The following PIKFYVE variants were observed in gnomAD, a reference collection of about 807,000 sequenced individuals.
PIKFYVE encodes the protein phosphoinositide kinase, FYVE-type zinc finger containing.
PIKFYVE carries 122 observed loss-of-function variants against 257.9 expected under a neutral mutation model. The observed-to-expected ratio is 0.47, with a 90% CI of 0.41 to 0.55. PIKFYVE has a LOEUF of 0.55. Among genes scored for constraint, PIKFYVE ranks in the 20% least tolerant of loss-of-function variants. PIKFYVE has a pLI of 0.00. For synonymous variants in PIKFYVE, 892 were observed against 868.9 expected, an observed-to-expected ratio of 1.03 and a Z score of -0.47; for missense variants, 2,160 against 2,536.6, an observed-to-expected ratio of 0.85 and a Z score of 3.19.
intron 5 of PIKFYVE, among the ~76,000 whole-genome samples, chr2:208,282,266 A>T (rs534887067): frequency 4.6e-5 from 7 of 152,352 alleles, no homozygotes; most frequent in African/African-American, 1.7e-4. Context: ...TTTAAATCTA[A>T]TCAGCTTAGA....
At position 208,350,898 on chromosome 2, in the gene PIKFYVE, C is replaced by T; in HGVS notation, c.5562C>T (p.Pro1854=). 1.9e-6 allele frequency: 3 copies of T among 1,614,168 alleles called. No individual in the cohort carries two copies. The highest frequency in any genetic ancestry group is 2.5e-6 in the Non-Finnish European group (3 of 1,180,030). ...TTCGTTCCCTCTCCCACTCATCACC[C>T]TGGCAGGCCCGGGGAGGCAAATCAG... ...DFIRSLSHSS[P]WQARGGKSGA... The change falls in exon 37 of 42, where the codon CCC becomes CCT. Residue 1854 remains proline, a synonymous_variant. Coordinates refer to ENST00000264380, the MANE Select transcript of PIKFYVE (RefSeq NM_015040.4).
At chr2:208,326,689 G>A (rs1696962316) in intron 20 of PIKFYVE, among the ~76,000 whole-genome samples, 1 of 152,188 alleles carries the variant, frequency 6.6e-6, no homozygotes, top group Non-Finnish European at 1.5e-5. Flanking sequence ...GAAGTAAGGG[G>A]AAATGTGGAG....
intron 5 of PIKFYVE, among the ~76,000 whole-genome samples, chr2:208,278,739 G>A (rs1464705718): frequency 6.6e-6 from 1 of 152,040 alleles, no homozygotes; most frequent in Non-Finnish European, 1.5e-5. Flanking sequence ...ACATAATTTT[G>A]TTCTTTTTTT....
At chr2:208,335,718 T>G (rs1234845662) in intron 25 of PIKFYVE, 75 bp from the exon 26 acceptor site, 1 of 1,165,088 alleles carries the variant, frequency 8.6e-7, no homozygotes, top group Non-Finnish European at 1.3e-6. Flanking sequence ...TGCATGTAGC[T>G]TTTTTTTCTA....
At chr2:208,317,801 G>T (rs112469696) in intron 15 of PIKFYVE, 66 bp from the exon 16 acceptor site, 1 of 1,382,594 alleles carries the variant, frequency 7.2e-7, no homozygotes, top group Non-Finnish European at 1.0e-6. Flanking sequence ...AAATAATAGC[G>T]TACATCTAAC....
intron 7 of PIKFYVE, among the ~76,000 whole-genome samples, chr2:208,289,825 C>T (rs1319265461): frequency 1.3e-5 from 2 of 152,160 alleles, no homozygotes; most frequent in African/African-American, 2.4e-5. Flanking sequence ...ACCTCGGACT[C>T]CTAAAGTGCT....
chr2:208,272,798 A>G (rs1171427473), intron 2 of PIKFYVE, among the ~76,000 whole-genome samples: 1 of 152,174 alleles, frequency 6.6e-6, no homozygotes, highest in Non-Finnish European at 1.5e-5. Context: ...GATACTTAAA[A>G]AAAAAAACTA....
intron 7 of PIKFYVE, among the ~76,000 whole-genome samples, chr2:208,293,944 C>G (rs1203801543): frequency 6.6e-6 from 1 of 152,096 alleles, no homozygotes; most frequent in East Asian, 1.9e-4. Flanking sequence ...CTTCCTGGAC[C>G]TGTGGCTTGG....
chr2:208,354,230 C>T, intron 40 of PIKFYVE, 71 bp downstream of exon 40: 1 of 1,522,512 alleles, frequency 6.6e-7, no homozygotes, highest in Non-Finnish European at 9.0e-7. Flanking sequence ...TTCTATTGAA[C>T]CTGGTCTAAT....
intron 29 of PIKFYVE, 69 bp from the exon 30 acceptor site, chr2:208,339,349 T>TA: frequency 3.8e-6 from 6 of 1,567,124 alleles, no homozygotes; most frequent in Non-Finnish European, 5.3e-6. Context: ...AATGAGCATT[T>TA]AAAAAATATT....
chr2:208,268,576 C>G (rs920793042), intron 1 of PIKFYVE, among the ~76,000 whole-genome samples: 1 of 14,658 alleles, frequency 6.8e-5, no homozygotes, highest in Non-Finnish European at 2.4e-4. Flanking sequence ...AGTGCCTGGC[C>G]TCTTTTTTTT....
chr2:208,333,049 A>G (rs1213934654), intron 23 of PIKFYVE, among the ~76,000 whole-genome samples: 2 of 151,936 alleles, frequency 1.3e-5, no homozygotes, highest in Non-Finnish European at 2.9e-5. Flanking sequence ...CCTGGCTAAC[A>G]TCGTGAAACC....
At chr2:208,319,005 T>G (rs1390395363) in intron 16 of PIKFYVE, among the ~76,000 whole-genome samples, 1 of 151,964 alleles carries the variant, frequency 6.6e-6, no homozygotes, top group Non-Finnish European at 1.5e-5. Context: ...TGTCATTTGT[T>G]GGTCCTTGCA....
chr2:208,268,570 C>G lies in PIKFYVE; in HGVS notation c.-10+2155C>G, dbSNP rs547279561. 3.1e-5 allele frequency among the ~76,000 whole-genome samples: 3 copies of G among 97,562 alleles called. No individual in the cohort carries two copies. The Admixed American group carries it at 4.1e-4, about 13-fold the overall frequency. The allele number at this position is 97,562 out of a possible 152,430, so 64.0% of individuals were successfully genotyped here. ...GGATTACAGACATGAGGCCACAGTGCCTGGCCTCTTTTTTTTTTTAATATA... is the reference window on the plus strand; with the variant it reads ...GGATTACAGACATGAGGCCACAGTGGCTGGCCTCTTTTTTTTTTTAATATA... On this transcript the variant is annotated intron_variant, in intron 1 of 41. Transcript: ENST00000264380.
At chr2:208,349,255 C>G (rs865966020) in intron 35 of PIKFYVE, among the ~76,000 whole-genome samples, 1 of 152,008 alleles carries the variant, frequency 6.6e-6, no homozygotes, top group Non-Finnish European at 1.5e-5. Flanking sequence ...TGGGCTGTAG[C>G]TGTTTATAAT....
At chr2:208,281,788 C>G (rs951466377) in intron 5 of PIKFYVE, among the ~76,000 whole-genome samples, 1 of 152,200 alleles carries the variant, frequency 6.6e-6, no homozygotes, top group East Asian at 1.9e-4. Flanking sequence ...TACATATTTC[C>G]ATTCCTTCCC....
chr2:208,312,681 A>T (rs920755920), intron 13 of PIKFYVE, among the ~76,000 whole-genome samples: 4 of 152,236 alleles, frequency 2.6e-5, no homozygotes, highest in Admixed American at 6.5e-5. Context: ...CCAGTTAAGG[A>T]TGCTGCTTGC....
In PIKFYVE at chr2:208,324,236, A is replaced by G. The variant is rs754229038; in HGVS notation, c.2285A>G (p.Asp762Gly). ...AAAACAGTGTCTCGGATTGCCCAGG[A>G]CATGTTATTGGAACATGGCATTACT... is the stretch of plus-strand genomic sequence containing the variant. ...VEKTVSRIAQDMLLEHGITLV... is the reference protein window; with the variant it reads ...VEKTVSRIAQGMLLEHGITLV... Residue 762 changes from aspartate (D) to glycine (G), a missense_variant, in exon 18 of 42, where the codon GAC (aspartate) becomes GGC (glycine). This residue lies in a region of PIKFYVE where 346 missense variants were observed against 365.6 expected (regional missense o/e 0.95). Coordinates refer to ENST00000264380, the MANE Select transcript of PIKFYVE (RefSeq NM_015040.4). The G allele has an allele frequency of 1.2e-5, 20 of 1,613,906 alleles. No homozygotes were observed. The South Asian group carries it at 2.1e-4, about 17-fold the overall frequency.
chr2:208,315,525 A>C (rs960476920), intron 15 of PIKFYVE, 152 bp downstream of exon 15: 1 of 738,432 alleles, frequency 1.4e-6, no homozygotes, highest in Admixed American at 2.2e-5. Context: ...TTAGCAGCGC[A>C]CTTAGGAGTC....
Sources: gnomAD v4.1 joint callset for allele counts (sites outside exome capture counted in the v4.1 genomes callset) on GRCh38, gnomAD v4.1.1 for gene constraint, gnomAD v4.1.1 regional missense constraint, MANE v1.5 for transcripts, NCBI Gene and HGNC (gene_info 2026-07-23, HGNC 2026-07-21) for gene names.